The following KIRREL3 variants were observed in gnomAD, a reference collection of about 807,000 sequenced individuals.
KIRREL3 encodes kirre like nephrin family adhesion molecule 3, also known as kin of IRRE-like protein 3.
A neutral mutation model predicts 89.7 loss-of-function variants in KIRREL3; 36 were observed. The ratio of observed to expected loss-of-function variants is 0.40; its 90% confidence interval spans 0.31 to 0.53. KIRREL3 has a LOEUF of 0.53. Among genes scored for constraint, KIRREL3 ranks in the 20% least tolerant of loss-of-function variants. The pLI, the probability that KIRREL3 is intolerant of heterozygous loss-of-function variation, is 0.49. For synonymous variants in KIRREL3, 445 were observed against 441.4 expected, an observed-to-expected ratio of 1.01 and a Z score of -0.10; for missense variants, 864 against 1,056.6, an observed-to-expected ratio of 0.82 and a Z score of 2.53.
Position 126,431,251 on chromosome 11 carries a change from C to T in KIRREL3, c.1696+168G>A, listed in dbSNP as rs866321962. 2.2e-4 allele frequency: 340 copies of T among 1,530,946 alleles called. 1 individual carries two copies. The Middle Eastern group carries it at 5.1e-3, about 23-fold the overall frequency. 94.8% of individuals were successfully genotyped at this position (1,530,946 alleles called of 1,614,324 possible). A position where few individuals can be genotyped will look rare whatever the true frequency, so the allele number is the denominator to read the frequency against. On this transcript the variant is annotated intron_variant, in intron 14 of 16. Coordinates refer to ENST00000525144, the MANE Select transcript of KIRREL3 (RefSeq NM_032531.4). This position sits in a 1 kb window ranked among gnomAD's most constrained non-coding sequence, Gnocchi z 7.1. ...GCCCACTCTGCCAGGCGCCATGTTG[C>T]CCAGGCTCACATACACCGATGCATC... is the stretch of plus-strand genomic sequence containing the variant.
At chr11:126,545,382 G>A (rs1266840011) in intron 2 of KIRREL3, among the ~76,000 whole-genome samples, 3 of 152,102 alleles carry the variant, frequency 2.0e-5, no homozygotes, top group African/African-American at 7.2e-5. Context: ...ACCCTGCACT[G>A]CCCCATCTGT....
intron 1 of KIRREL3, among the ~76,000 whole-genome samples, chr11:126,815,815 A>G (rs559186244): frequency 7.4e-4 from 113 of 152,264 alleles, no homozygotes; most frequent in Admixed American, 2.3e-3. Flanking sequence ...GATTACAGGC[A>G]TGAGCTGCTG....
chr11:126,586,666 C>T (rs967379482), intron 1 of KIRREL3, among the ~76,000 whole-genome samples: 5 of 152,052 alleles, frequency 3.3e-5, no homozygotes, highest in African/African-American at 9.7e-5. Context: ...ATGTTTACAA[C>T]GCCACATCAA....
In KIRREL3 at chr11:126,995,561, G is replaced by T; in HGVS notation, c.55+4894C>A. 1 of 340,102 alleles carries T rather than the reference G, an allele frequency of 2.9e-6. No homozygotes were observed. The highest frequency in any genetic ancestry group is 2.3e-5 in the South Asian group (1 of 43,476). 21.1% of individuals were successfully genotyped at this position (340,102 alleles called of 1,614,324 possible). A position where few individuals can be genotyped will look rare whatever the true frequency, so the allele number is the denominator to read the frequency against. On this transcript the variant is annotated intron_variant, in intron 1 of 16. Coordinates refer to ENST00000525144, the MANE Select transcript of KIRREL3 (RefSeq NM_032531.4). This position sits in a 1 kb window ranked among gnomAD's most constrained non-coding sequence, Gnocchi z 6.5. ...CCTTAGCATCCCCCATCTATATCAA[G>T]ACCATAAAACCAGTGCTTTTGGCCC...
Position 126,569,910 on chromosome 11 carries a change from T to A in KIRREL3, c.56-6998A>T, listed in dbSNP as rs890981835. Among the ~76,000 whole-genome samples the A allele has an allele frequency of 6.6e-6, 1 of 152,032 alleles. No individual in the cohort carries two copies. The highest frequency in any genetic ancestry group is 1.5e-5 in the Non-Finnish European group (1 of 68,022). ...ATGATGGGGTCTTCTGTTTGGAAAG[T>A]TTTCACTTTGATTCTGCTAAACTGC... is the stretch of plus-strand genomic sequence containing the variant. On this transcript the variant is annotated intron_variant, in intron 1 of 16. Transcript: ENST00000525144. The surrounding 1 kb of genome is among the most constrained non-coding windows in gnomAD (Gnocchi z 6.5).
In KIRREL3 at chr11:126,431,367, C is replaced by G; in HGVS notation, c.1696+52G>C. On this transcript the variant is annotated intron_variant, in intron 14 of 16. Transcript: ENST00000525144. This position sits in a 1 kb window ranked among gnomAD's most constrained non-coding sequence, Gnocchi z 7.1. ...ACTTGCTCTCCGGGGCAGCCTAAGC[C>G]TGGCCTTTTTCTCTGTCCCCCTCCC... 1 of 1,605,984 alleles carries G rather than the reference C, an allele frequency of 6.2e-7. No homozygotes were observed. Among genetic ancestry groups the G allele is most frequent in the East Asian group, 2.2e-5 (1 of 44,546 alleles).
intron 1 of KIRREL3, among the ~76,000 whole-genome samples, chr11:126,957,387 T>C (rs570364658): frequency 6.6e-6 from 1 of 152,318 alleles, no homozygotes; most frequent in South Asian, 2.1e-4. Flanking sequence ...TGTCCAGGGG[T>C]TACACATATG....
intron 1 of KIRREL3, among the ~76,000 whole-genome samples, chr11:126,707,989 C>T (rs1479789846): frequency 6.6e-6 from 1 of 152,116 alleles, no homozygotes; most frequent in Admixed American, 6.5e-5. Context: ...CATGGGGTAG[C>T]GGGGTCAAGT....
At position 126,526,598 on chromosome 11, in the gene KIRREL3, C is replaced by T. The variant is rs375403945; in HGVS notation, c.223G>A (p.Asp75Asn). 41 of 1,611,050 alleles carry T rather than the reference C, an allele frequency of 2.5e-5. No homozygotes were observed. Among genetic ancestry groups the T allele is most frequent in the African/African-American group, 2.4e-4 (18 of 75,010 alleles). Residue 75 changes from aspartate (D) to asparagine (N), a missense_variant, in exon 3 of 17, where the codon GAT becomes AAT. By Grantham distance (23) the Asp-to-Asn change is conservative. Transcript: ENST00000525144. The surrounding 1 kb of genome is among the most constrained non-coding windows in gnomAD (Gnocchi z 5.7). ...TCCTTGATCCACAGAACGAAGCCAT[C>T]GTATTCGGGGATGGCGCAAAGTAGC... ...VTLLCAIPEYDGFVLWIKDGL... is the reference protein window; with the variant it reads ...VTLLCAIPEYNGFVLWIKDGL...
chr11:126,548,564 G>A (rs767246647), intron 2 of KIRREL3, among the ~76,000 whole-genome samples: 37 of 152,216 alleles, frequency 2.4e-4, no homozygotes, highest in Non-Finnish European at 4.1e-4. Flanking sequence ...GTGGTAGCAG[G>A]TTTGGGGTCC....
At chr11:126,956,801 A>T (rs1948935522) in intron 1 of KIRREL3, among the ~76,000 whole-genome samples, 2 of 152,168 alleles carry the variant, frequency 1.3e-5, no homozygotes, top group Non-Finnish European at 2.9e-5. Context: ...AAGAAACCAC[A>T]ATGCACCGTT....
Position 126,620,850 on chromosome 11 carries a change from C to A in KIRREL3, c.56-57938G>T, listed in dbSNP as rs116455709. On this transcript the variant is annotated intron_variant, in intron 1 of 16. Coordinates refer to ENST00000525144, the MANE Select transcript of KIRREL3 (RefSeq NM_032531.4). This position sits in a 1 kb window ranked among gnomAD's most constrained non-coding sequence, Gnocchi z 4.8. ...TGGAGCAGCAACTAGTGAGGAAGGC[C>A]GTACCCCACTTGCTGGATGAGAACA... Among the ~76,000 whole-genome samples, 482 of 152,254 alleles carry A rather than the reference C, an allele frequency of 3.2e-3. 4 individuals carry two copies. The highest frequency in any genetic ancestry group is 0.011 in the African/African-American group (454 of 41,550).
rs940247504 is a variant in KIRREL3 at position 126,736,219 on chromosome 11, C to T, written c.56-173307G>A. 6.6e-6 allele frequency among the ~76,000 whole-genome samples: 1 copy of T among 152,196 alleles called. No homozygotes were observed. The highest frequency in any genetic ancestry group is 6.5e-5 in the Admixed American group (1 of 15,286). On this transcript the variant is annotated intron_variant, in intron 1 of 16. Transcript: ENST00000525144. The surrounding 1 kb of genome is among the most constrained non-coding windows in gnomAD (Gnocchi z 5.0). ...TCAATTGTAGTCACAGCAATAATAG[C>T]ACCATTTATGGGGCCATACACTATA...
At chr11:126,450,920 T>G (rs1417117751) in intron 7 of KIRREL3, among the ~76,000 whole-genome samples, 4 of 151,516 alleles carry the variant, frequency 2.6e-5, no homozygotes, top group Admixed American at 2.0e-4. Flanking sequence ...TGTGTCCACG[T>G]GCATGTGTGC....
In KIRREL3 at chr11:126,635,197, C is replaced by A. The variant is rs149789809; in HGVS notation, c.56-72285G>T. On this transcript the variant is annotated intron_variant, in intron 1 of 16. Transcript: ENST00000525144. This position sits in a 1 kb window ranked among gnomAD's most constrained non-coding sequence, Gnocchi z 4.0. ...GGACAGCTCCACCTCTAGGCAGGCACAGCAAGTGTGGGCATTGCTTACTGC... is the reference window on the plus strand; with the variant it reads ...GGACAGCTCCACCTCTAGGCAGGCAAAGCAAGTGTGGGCATTGCTTACTGC... 2.1e-4 allele frequency among the ~76,000 whole-genome samples: 32 copies of A among 152,344 alleles called. No homozygotes were observed. Among genetic ancestry groups the A allele is most frequent in the African/African-American group, 7.5e-4 (31 of 41,574 alleles).
At chr11:126,833,274 C>T (rs1385902921) in intron 1 of KIRREL3, among the ~76,000 whole-genome samples, 1 of 152,212 alleles carries the variant, frequency 6.6e-6, no homozygotes, top group Non-Finnish European at 1.5e-5. Flanking sequence ...CCCTTAGAAG[C>T]ATGAAATAGG....
At position 126,784,328 on chromosome 11, in the gene KIRREL3, G is replaced by A. The variant is rs539159532; in HGVS notation, c.55+216127C>T. ...AGAAAACTGGGTGTGGGGTATATGG[G>A]AACCCTCTGTACTATTTTGCAACTT... On this transcript the variant is annotated intron_variant, in intron 1 of 16. Transcript: ENST00000525144. Among the ~76,000 whole-genome samples the A allele has an allele frequency of 2.0e-5, 3 of 152,318 alleles. No homozygotes were observed. In the South Asian group the frequency reaches 6.2e-4, roughly 32 times the overall value.
In KIRREL3 at chr11:126,773,097, A is replaced by C. The variant is rs914224503; in HGVS notation, c.56-210185T>G. Among the ~76,000 whole-genome samples the C allele has an allele frequency of 7.2e-5, 11 of 152,168 alleles. No homozygotes were observed. The highest frequency in any genetic ancestry group is 2.7e-4 in the African/African-American group (11 of 41,438). On this transcript the variant is annotated intron_variant, in intron 1 of 16. Transcript: ENST00000525144. The surrounding 1 kb of genome is among the most constrained non-coding windows in gnomAD (Gnocchi z 4.2). ...AGCCATTAGCTCCTAAAATACTGGG[A>C]ATGAGGGAATCTTCAAAATCACTGC...
intron 1 of KIRREL3, among the ~76,000 whole-genome samples, chr11:126,730,772 T>A (rs931171712): frequency 1.2e-4 from 19 of 152,084 alleles, no homozygotes; most frequent in African/African-American, 4.6e-4. Context: ...TGAGTCTTGC[T>A]CTGTCACCCA....
Sources: allele counts gnomAD v4.1 joint callset (sites outside exome capture counted in the v4.1 genomes callset), GRCh38; gene constraint gnomAD v4.1.1; non-coding constraint Gnocchi (gnomAD v3.1); transcripts MANE v1.5; gene names NCBI Gene and HGNC (gene_info 2026-07-23, HGNC 2026-07-21).